Variants in DLG2 observed in about 807,000 individuals in gnomAD.
The protein encoded by DLG2 is discs large MAGUK scaffold protein 2.
Under a neutral mutation model 132.5 loss-of-function variants are expected in DLG2, and 45 were observed. The ratio of observed to expected loss-of-function variants is 0.34; its 90% CI spans 0.27 to 0.44. The LOEUF is 0.44. Ranked by LOEUF, DLG2 falls within the 20% of genes least tolerant of loss-of-function variation. The probability of loss-of-function intolerance (pLI) is 1.00; values close to 1 mark genes in which losing one functional copy is unlikely to be tolerated. For missense variants in DLG2, 1,045 were observed against 1,196.9 expected (o/e 0.87, Z 1.87); for synonymous variants, 424 against 419.6 (o/e 1.01, Z -0.13).
At chr11:84,748,201 T>G (rs2065634890) in intron 6 of DLG2, among the ~76,000 whole-genome samples, 1 of 152,138 alleles carries the variant, frequency 6.6e-6, no homozygotes, top group African/African-American at 2.4e-5. Flanking sequence ...CAAGGTGCAT[T>G]CAGGAGGCCT....
At chr11:85,452,931 A>T (rs1434639656) in intron 3 of DLG2, 1 of 215,196 alleles carries the variant, frequency 4.6e-6, no homozygotes, top group Non-Finnish European at 1.0e-5. Context: ...CAGGGAGGTG[A>T]CTAAGGTCAT....
intron 11 of DLG2, among the ~76,000 whole-genome samples, chr11:84,000,467 A>G (rs1439258227): frequency 2.0e-5 from 3 of 152,032 alleles, no homozygotes; most frequent in Non-Finnish European, 2.9e-5. Flanking sequence ...ATATTGCATG[A>G]AAACTTCCCA....
intron 7 of DLG2, among the ~76,000 whole-genome samples, chr11:84,483,350 T>A (rs2154493933): frequency 6.8e-6 from 1 of 148,024 alleles, no homozygotes; most frequent in African/African-American, 2.5e-5. Context: ...AAGAATCCCT[T>A]GAGCCCGGGA....
At chr11:84,697,106 T>A (rs942940255) in intron 6 of DLG2, among the ~76,000 whole-genome samples, 2 of 151,356 alleles carry the variant, frequency 1.3e-5, no homozygotes, top group Non-Finnish European at 3.0e-5. Context: ...CCTGCCTGTG[T>A]TTATAGGGCA....
chr11:83,709,674 C>T (rs2084931503), intron 18 of DLG2, among the ~76,000 whole-genome samples: 1 of 152,116 alleles, frequency 6.6e-6, no homozygotes, highest in Admixed American at 6.6e-5. Flanking sequence ...TACATAACAG[C>T]CTTGGCTTGT....
At chr11:83,753,860 ATATT>A (rs1368569581) in intron 18 of DLG2, among the ~76,000 whole-genome samples, 215 of 5,876 alleles carry the variant, frequency 0.037, 33 homozygotes, top group African/African-American at 0.24. Flanking sequence ...TATCATATAT[ATATT>A]TCATATATAT....
intron 6 of DLG2, among the ~76,000 whole-genome samples, chr11:84,949,518 C>T (rs1001787454): frequency 2.0e-5 from 3 of 148,176 alleles, no homozygotes; most frequent in Admixed American, 1.4e-4. Context: ...GACAGGTACA[C>T]CCTGGCGGGC....
intron 9 of DLG2, among the ~76,000 whole-genome samples, chr11:84,152,870 T>C (rs1288460492): frequency 6.6e-6 from 1 of 152,210 alleles, no homozygotes; most frequent in Non-Finnish European, 1.5e-5. Context: ...ACTATAGATA[T>C]ATGAAGTTTT....
chr11:85,132,625 G>A (rs1345934729), intron 5 of DLG2: 16 of 400,620 alleles, frequency 4.0e-5, no homozygotes, highest in Middle Eastern at 4.0e-4. Flanking sequence ...CAGACCCTCA[G>A]GGAACAAAAT....
At chr11:84,372,196 A>G (rs777846429) in intron 7 of DLG2, among the ~76,000 whole-genome samples, 1 of 152,210 alleles carries the variant, frequency 6.6e-6, no homozygotes, top group Non-Finnish European at 1.5e-5. Flanking sequence ...CAATCCAATT[A>G]GAATTTTTAA....
intron 6 of DLG2, among the ~76,000 whole-genome samples, chr11:84,861,408 T>C (rs1460658476): frequency 2.0e-5 from 3 of 152,016 alleles, no homozygotes; most frequent in African/African-American, 4.8e-5. Flanking sequence ...TTTCTGAATC[T>C]TGATTTCCTA....
Position 83,833,673 on chromosome 11 carries a change from G to T in DLG2, c.1663C>A (p.Leu555Met), listed in dbSNP as rs775296170. 27 of 1,613,946 alleles carry T rather than the reference G, an allele frequency of 1.7e-5. No homozygotes were observed. In the Admixed American group the frequency reaches 4.2e-4, roughly 25 times the overall value. Reference protein sequence around the residue: ...DGEGIFVSFILAGGPADLSGE... With the variant: ...DGEGIFVSFIMAGGPADLSGE... ...CTTAGGTCTGCTGGTCCACCAGCCA[G>T]AATGAAGGACACAAAAATACCTTCT... Residue 555 changes from leucine (L) to methionine (M), a missense_variant, in exon 17 of 28, where the codon CTG becomes ATG. Coordinates refer to ENST00000376104, the MANE Select transcript of DLG2 (RefSeq NM_001142699.3).
intron 15 of DLG2, among the ~76,000 whole-genome samples, chr11:83,919,703 G>A (rs1212598998): frequency 1.3e-5 from 2 of 152,156 alleles, no homozygotes; most frequent in African/African-American, 4.8e-5. Context: ...GGGTCTGAGT[G>A]ACAGTTTCCT....
At chr11:85,451,869 TTTATA>T (rs2092258937) in intron 3 of DLG2, among the ~76,000 whole-genome samples, 1 of 152,160 alleles carries the variant, frequency 6.6e-6, no homozygotes, top group South Asian at 2.1e-4. Flanking sequence ...TTTGTTTATT[TTTATA>T]TTGCTCTGTC....
chr11:84,261,308 C>T (rs1304291661), intron 7 of DLG2, among the ~76,000 whole-genome samples: 1 of 152,156 alleles, frequency 6.6e-6, no homozygotes, highest in African/African-American at 2.4e-5. Flanking sequence ...TCATGCCTAC[C>T]GCAATGTCTT....
intron 6 of DLG2, among the ~76,000 whole-genome samples, 190 bp downstream of exon 6, chr11:85,111,471 A>G (rs916768055): frequency 6.6e-6 from 1 of 152,122 alleles, no homozygotes; most frequent in African/African-American, 2.4e-5. Context: ...CTCCAACAAA[A>G]TGCATGGAAT....
At chr11:84,625,361 C>G (rs541175554) in intron 6 of DLG2, among the ~76,000 whole-genome samples, 9 of 152,088 alleles carry the variant, frequency 5.9e-5, no homozygotes, top group African/African-American at 1.9e-4. Flanking sequence ...ACCAAGTGGC[C>G]GCTCCATTTC....
At chr11:85,495,239 T>C (rs1455544874) in intron 3 of DLG2, among the ~76,000 whole-genome samples, 1 of 152,204 alleles carries the variant, frequency 6.6e-6, no homozygotes, top group Non-Finnish European at 1.5e-5. Flanking sequence ...ATGTTTAAGT[T>C]GGTATACCTA....
chr11:84,931,669 T>A (rs1270767324), intron 6 of DLG2, among the ~76,000 whole-genome samples: 1 of 152,188 alleles, frequency 6.6e-6, no homozygotes, highest in Admixed American at 6.5e-5. Context: ...TGTCTTGAGG[T>A]CTTTGAGGAA....
Sources: gnomAD v4.1 joint callset for allele counts (sites outside exome capture counted in the v4.1 genomes callset) on GRCh38, gnomAD v4.1.1 for gene constraint, MANE v1.5 for transcripts, NCBI Gene and HGNC (gene_info 2026-07-23, HGNC 2026-07-21) for gene names.